The following ANKH variants were observed in gnomAD, a reference collection of about 807,000 sequenced individuals.
The protein encoded by ANKH is ANKH inorganic pyrophosphate transport regulator, also known as mineralization regulator ANKH.
In ANKH, 15 loss-of-function variants were observed where a neutral mutation model predicts 49.0. The ratio of observed to expected loss-of-function variants is 0.31; its 90% CI spans 0.20 to 0.47. The LOEUF (loss-of-function observed/expected upper bound fraction) is 0.47, where lower values mean the gene tolerates loss of function less well. Among genes scored for constraint, ANKH ranks in the 20% least tolerant of loss-of-function variants. The pLI is 1.00. For synonymous variants in ANKH, 273 were observed against 260.0 expected, an observed-to-expected ratio of 1.05 and a Z score of -0.48; for missense variants, 429 against 652.0, an observed-to-expected ratio of 0.66 and a Z score of 3.72.
In ANKH at chr5:14,711,445, C is replaced by T. The variant is rs1382841440; in HGVS notation, c.1366-135G>A. 4.9e-5 allele frequency: 36 copies of T among 736,676 alleles called. No homozygotes were observed. In the African/African-American group the frequency reaches 5.0e-4, roughly 10 times the overall value. The allele number at this position is 736,676 out of a possible 1,614,324, so 45.6% of individuals were successfully genotyped here. A position where few individuals can be genotyped will look rare whatever the true frequency, so the allele number is the denominator to read the frequency against. On this transcript the variant is annotated intron_variant, in intron 11 of 11. Coordinates refer to ENST00000284268, the MANE Select transcript of ANKH (RefSeq NM_054027.6). ...TTAAACCTTCTTATGGTTGGGGTGGCGTCACCTCTTTTGCATCTTAGCTCA... is the reference window on the plus strand; with the variant it reads ...TTAAACCTTCTTATGGTTGGGGTGGTGTCACCTCTTTTGCATCTTAGCTCA...
At chr5:14,771,398 C>G (rs1405088775) in intron 1 of ANKH, among the ~76,000 whole-genome samples, 2 of 152,196 alleles carry the variant, frequency 1.3e-5, no homozygotes, top group African/African-American at 4.8e-5. Context: ...AATGCTGACA[C>G]AGCTGATCTA....
intron 1 of ANKH, among the ~76,000 whole-genome samples, chr5:14,822,534 A>G (rs1000524876): frequency 6.6e-6 from 1 of 152,200 alleles, no homozygotes; most frequent in East Asian, 1.9e-4. Flanking sequence ...ATAAGGATTC[A>G]ATTCTGTTAT....
At chr5:14,821,439 T>C (rs563222753) in intron 1 of ANKH, among the ~76,000 whole-genome samples, 2 of 152,342 alleles carry the variant, frequency 1.3e-5, no homozygotes, top group South Asian at 4.1e-4. Flanking sequence ...AAATAGTTCG[T>C]ATTCCAGATC....
chr5:14,718,877 G>A (rs1737574210), intron 8 of ANKH, among the ~76,000 whole-genome samples: 1 of 147,786 alleles, frequency 6.8e-6, no homozygotes, highest in African/African-American at 2.5e-5. Flanking sequence ...AAGCAGAAAG[G>A]AAAATTCACA....
At chr5:14,863,727 A>G (rs1481873686) in intron 1 of ANKH, among the ~76,000 whole-genome samples, 1 of 152,130 alleles carries the variant, frequency 6.6e-6, no homozygotes, top group Non-Finnish European at 1.5e-5. Flanking sequence ...AGGAGCTTAA[A>G]GAGGTTTATT....
chr5:14,780,053 CTTTT>C (rs34249421), intron 1 of ANKH, among the ~76,000 whole-genome samples: 2 of 141,084 alleles, frequency 1.4e-5, no homozygotes, highest in Non-Finnish European at 3.1e-5. Flanking sequence ...AGGATAACAG[CTTTT>C]TTTTTTTTTT....
chr5:14,747,664 C>T (rs1200240856), intron 6 of ANKH, among the ~76,000 whole-genome samples: 1 of 152,198 alleles, frequency 6.6e-6, no homozygotes, highest in Non-Finnish European at 1.5e-5. Context: ...AGTGTTCAAC[C>T]CTCTGCCTAG....
At chr5:14,846,525 T>C (rs1458181314) in intron 1 of ANKH, among the ~76,000 whole-genome samples, 1 of 152,222 alleles carries the variant, frequency 6.6e-6, no homozygotes, top group Non-Finnish European at 1.5e-5. Context: ...TTTTCTGAAT[T>C]GTTTCATATA....
intron 1 of ANKH, among the ~76,000 whole-genome samples, chr5:14,809,303 T>A (rs1740800366): frequency 1.0e-5 from 1 of 96,120 alleles, no homozygotes; most frequent in African/African-American, 4.3e-5. Context: ...ACCTGCACAA[T>A]GTGCACATGT....
intron 1 of ANKH, among the ~76,000 whole-genome samples, chr5:14,793,913 G>T (rs1740289310): frequency 6.6e-6 from 1 of 152,228 alleles, no homozygotes; most frequent in Admixed American, 6.5e-5. Flanking sequence ...CGCCCACTGG[G>T]AGAAAAATGT....
intron 8 of ANKH, among the ~76,000 whole-genome samples, chr5:14,723,952 A>C (rs1250326366): frequency 6.6e-6 from 1 of 152,216 alleles, no homozygotes; most frequent in African/African-American, 2.4e-5. Flanking sequence ...TCCAGTCAGC[A>C]TGTGAGCCAG....
intron 1 of ANKH, among the ~76,000 whole-genome samples, chr5:14,802,480 G>T (rs534853929): frequency 6.6e-6 from 1 of 151,866 alleles, no homozygotes; most frequent in South Asian, 2.1e-4. Context: ...TTGTCCCCTC[G>T]AGTCCATTTT....
intron 1 of ANKH, among the ~76,000 whole-genome samples, chr5:14,866,825 C>G (rs533017506): frequency 6.6e-6 from 1 of 152,090 alleles, no homozygotes; most frequent in African/African-American, 2.4e-5. Flanking sequence ...GTCATAATAT[C>G]CCTTTCCTGG....
chr5:14,758,833 C>T (rs568029056), intron 2 of ANKH, among the ~76,000 whole-genome samples: 34 of 152,296 alleles, frequency 2.2e-4, no homozygotes, highest in African/African-American at 7.0e-4. Flanking sequence ...TGTGTTTTAA[C>T]GTAAAAACGA....
intron 1 of ANKH, among the ~76,000 whole-genome samples, chr5:14,811,320 G>C (rs1740877855): frequency 6.6e-6 from 1 of 152,314 alleles, no homozygotes; most frequent in South Asian, 2.1e-4. Flanking sequence ...AGAGAAACCT[G>C]TGCGGTCTTA....
intron 1 of ANKH, among the ~76,000 whole-genome samples, chr5:14,820,606 G>A (rs909099189): frequency 5.9e-5 from 9 of 152,176 alleles, no homozygotes; most frequent in African/African-American, 1.9e-4. Context: ...CAAGGGTGGG[G>A]AAATGAGGAA....
Position 14,735,550 on chromosome 5 carries a change from C to A in ANKH, c.1011+6277G>T, listed in dbSNP as rs116651573. ...ATAACACAAACTGGGTGACTCTGAGCAACAGAAAATTACTGCCCCACAGTT... is the reference window on the plus strand; with the variant it reads ...ATAACACAAACTGGGTGACTCTGAGAAACAGAAAATTACTGCCCCACAGTT... On this transcript the variant is annotated intron_variant, in intron 8 of 11. Transcript: ENST00000284268. Among the ~76,000 whole-genome samples the A allele has an allele frequency of 9.8e-3, 1,499 of 152,276 alleles. 26 individuals are homozygous for A. Among genetic ancestry groups the A allele is most frequent in the African/African-American group, 0.035 (1,436 of 41,542 alleles).
Position 14,720,457 on chromosome 5 carries a change from A to G in ANKH, c.1012-3622T>C, listed in dbSNP as rs140655002. On this transcript the variant is annotated intron_variant, in intron 8 of 11. Coordinates refer to ENST00000284268, the MANE Select transcript of ANKH (RefSeq NM_054027.6). ...AGCCCTGGTATGGTGGCAACTTCAC[A>G]TTACAATTCAAAACAACACTCAGCA... 1.4e-3 allele frequency among the ~76,000 whole-genome samples: 216 copies of G among 152,318 alleles called. 1 individual carries two copies. The highest frequency in any genetic ancestry group is 5.1e-3 in the African/African-American group (211 of 41,562).
At chr5:14,714,488 C>CG (rs1313730276) in intron 9 of ANKH, among the ~76,000 whole-genome samples, 2 of 152,162 alleles carry the variant, frequency 1.3e-5, no homozygotes, top group Non-Finnish European at 2.9e-5. Context: ...CAGCACCAGG[C>CG]AAGGGCTCTT....
Sources: allele counts gnomAD v4.1 joint callset (sites outside exome capture counted in the v4.1 genomes callset), GRCh38; gene constraint gnomAD v4.1.1; transcripts MANE v1.5; gene names NCBI Gene and HGNC (gene_info 2026-07-23, HGNC 2026-07-21).